NYAP2: variants seen among roughly 807,000 people sequenced by gnomAD.
NYAP2 encodes neuronal tyrosine-phosphorylated phosphoinositide-3-kinase adapter 2.
In NYAP2, 23 loss-of-function variants were observed where a neutral mutation model predicts 50.4. That is an observed-to-expected ratio of 0.46 (90% CI 0.33 to 0.65). The LOEUF is 0.65. Among genes scored for constraint, NYAP2 ranks in the 30% least tolerant of loss-of-function variants. The probability of loss-of-function intolerance (pLI) is 0.02; values close to 1 mark genes in which losing one functional copy is unlikely to be tolerated. For missense variants in NYAP2, 885 were observed against 861.0 expected (o/e 1.03, Z -0.35); for synonymous variants, 394 against 365.2 (o/e 1.08, Z -0.90).
chr2:225,584,137 C>T (rs1322945909), intron 5 of NYAP2, among the ~76,000 whole-genome samples: 3 of 152,142 alleles, frequency 2.0e-5, no homozygotes, highest in African/African-American at 7.2e-5. Context: ...AACTTAGAAT[C>T]TTCTTTGACA....
chr2:225,460,443 T>C (rs945341406), intron 3 of NYAP2, among the ~76,000 whole-genome samples: 7 of 152,222 alleles, frequency 4.6e-5, no homozygotes, highest in Non-Finnish European at 8.8e-5. Context: ...TTTGGTGATA[T>C]GTTTATTGTT....
At chr2:225,581,996 C>A in exon 5 of NYAP2, 1 of 1,613,548 alleles carries the variant, frequency 6.2e-7, no homozygotes, top group Non-Finnish European at 8.5e-7. Context: ...TTCCTCCTCC[C>A]AAACCGAAGC....
chr2:225,522,457 G>A (rs894652560), intron 4 of NYAP2, among the ~76,000 whole-genome samples: 3 of 152,088 alleles, frequency 2.0e-5, no homozygotes, highest in Non-Finnish European at 1.5e-5. Flanking sequence ...AATCATGGTT[G>A]TTGTTACAAT....
At chr2:225,438,429 A>G (rs1264582537) in intron 3 of NYAP2, among the ~76,000 whole-genome samples, 2 of 152,258 alleles carry the variant, frequency 1.3e-5, no homozygotes, top group Admixed American at 6.5e-5. Flanking sequence ...CTATGGCATT[A>G]TGGTGACAGG....
At chr2:225,597,622 T>G (rs930299769) in intron 5 of NYAP2, among the ~76,000 whole-genome samples, 3 of 148,662 alleles carry the variant, frequency 2.0e-5, no homozygotes, top group Admixed American at 6.8e-5. Context: ...TATAAACATG[T>G]GTGCACAAGT....
At chr2:225,638,992 G>A (rs533749806) in intron 6 of NYAP2, among the ~76,000 whole-genome samples, 7 of 152,128 alleles carry the variant, frequency 4.6e-5, no homozygotes, top group African/African-American at 1.7e-4. Context: ...AAGTAACTGG[G>A]CACTTAAGTT....
chr2:225,500,218 A>C (rs6706295), intron 3 of NYAP2, among the ~76,000 whole-genome samples: 47,193 of 152,034 alleles, frequency 0.31, 7,460 homozygotes, highest in South Asian at 0.48. Context: ...ATTTGTCAAA[A>C]CCGAGGTTTC....
intron 4 of NYAP2, among the ~76,000 whole-genome samples, chr2:225,576,477 C>T (rs1692171864): frequency 1.3e-5 from 2 of 152,102 alleles, no homozygotes; most frequent in South Asian, 4.1e-4. Context: ...AAATATCCTT[C>T]AGAGTCATGG....
intron 3 of NYAP2, among the ~76,000 whole-genome samples, chr2:225,469,343 T>C (rs1689975762): frequency 1.3e-5 from 2 of 152,154 alleles, no homozygotes; most frequent in Admixed American, 1.3e-4. Flanking sequence ...AGAATGATGA[T>C]CATTAAAAAG....
the NYAP2 span, among the ~76,000 whole-genome samples, chr2:225,670,727 C>A: frequency 1.3e-5 from 2 of 151,502 alleles, no homozygotes; most frequent in Non-Finnish European, 2.9e-5. Flanking sequence ...GTATTAAAAT[C>A]AATATTGCTA....
intron 5 of NYAP2, among the ~76,000 whole-genome samples, chr2:225,608,578 G>C (rs1692828661): frequency 6.6e-6 from 1 of 152,058 alleles, no homozygotes; most frequent in South Asian, 2.1e-4. Context: ...GAAACAGGCT[G>C]AACTTATTAC....
At chr2:225,529,632 A>G (rs904843673) in intron 4 of NYAP2, among the ~76,000 whole-genome samples, 4 of 148,450 alleles carry the variant, frequency 2.7e-5, no homozygotes, top group East Asian at 2.1e-4. Flanking sequence ...GCCCCTGCCT[A>G]TATTTATATA....
At chr2:225,591,612 G>C (rs1692505758) in intron 5 of NYAP2, among the ~76,000 whole-genome samples, 2 of 152,116 alleles carry the variant, frequency 1.3e-5, no homozygotes, top group South Asian at 4.1e-4. Context: ...GCAGTACTCT[G>C]AGGCATGTGA....
chr2:225,601,955 C>A (rs1335026168), intron 5 of NYAP2, among the ~76,000 whole-genome samples: 1 of 152,174 alleles, frequency 6.6e-6, no homozygotes, highest in East Asian at 1.9e-4. Context: ...TTGTCAAATC[C>A]AAATGCAGTC....
In NYAP2 at chr2:225,582,001, C is replaced by T. The variant is rs758742709; in HGVS notation, c.584C>T (p.Pro195Leu). The T allele has an allele frequency of 1.2e-6, 2 of 1,613,564 alleles. No homozygotes were observed. Among genetic ancestry groups the T allele is most frequent in the Non-Finnish European group, 8.5e-7 (1 of 1,179,498 alleles). Residue 195 changes from proline (P) to leucine (L), a missense_variant, in exon 5 of 7, where the codon CCG becomes CTG. Transcript: ENST00000636099. This position sits in a 1 kb window ranked among gnomAD's most constrained non-coding sequence, Gnocchi z 7.0. ...TCCAAGAAGATTCCTCCTCCCAAAC[C>T]GAAGCGAAATCCGAACACTCAGCTG...
At chr2:225,564,478 AC>A (rs938776427) in intron 4 of NYAP2, among the ~76,000 whole-genome samples, 3 of 151,892 alleles carry the variant, frequency 2.0e-5, no homozygotes, top group African/African-American at 7.3e-5. Context: ...CCTAGACGAA[AC>A]CATTTTCCTC....
chr2:225,413,679 G>A (rs1164148294), intron 3 of NYAP2, among the ~76,000 whole-genome samples: 1 of 152,126 alleles, frequency 6.6e-6, no homozygotes, highest in Non-Finnish European at 1.5e-5. Flanking sequence ...AAGATACAGA[G>A]GACCAACATC....
chr2:225,574,338 C>T (rs1436846949), intron 4 of NYAP2, among the ~76,000 whole-genome samples: 1 of 152,148 alleles, frequency 6.6e-6, no homozygotes, highest in Non-Finnish European at 1.5e-5. Context: ...TGGTTCGCAG[C>T]AATTCAGAAG....
downstream of NYAP2, among the ~76,000 whole-genome samples, chr2:225,654,979 A>G (rs1188227636): frequency 6.6e-6 from 1 of 152,220 alleles, no homozygotes; most frequent in Admixed American, 6.5e-5. Flanking sequence ...AGTGCTTGAC[A>G]TCACTAAGGC....
Sources: allele counts gnomAD v4.1 joint callset (sites outside exome capture counted in the v4.1 genomes callset), GRCh38; gene constraint gnomAD v4.1.1; non-coding constraint Gnocchi (gnomAD v3.1); transcripts MANE v1.5; gene names NCBI Gene and HGNC (gene_info 2026-07-23, HGNC 2026-07-21).